The following SCMH1 variants were observed in gnomAD, a reference collection of about 807,000 sequenced individuals.
SCMH1 encodes the protein Scm polycomb group protein homolog 1.
SCMH1 carries 37 observed loss-of-function variants against 70.8 expected under a neutral mutation model. The observed-to-expected ratio is 0.52, with a 90% confidence interval of 0.40 to 0.69. SCMH1 has a LOEUF of 0.69. Ranked by LOEUF, SCMH1 falls within the 30% of genes least tolerant of loss-of-function variation. The pLI, the probability that SCMH1 is intolerant of heterozygous loss-of-function variation, is 0.00. For missense variants in SCMH1, 607 were observed against 827.3 expected (o/e 0.73, Z 3.27); for synonymous variants, 292 against 307.4 (o/e 0.95, Z 0.52).
chr1:41,138,748 CAAGTT>C (rs1220847922), intron 6 of SCMH1, among the ~76,000 whole-genome samples: 2 of 152,082 alleles, frequency 1.3e-5, no homozygotes, highest in Non-Finnish European at 2.9e-5. Flanking sequence ...TTGTTTAACT[CAAGTT>C]GAGTTGCTGT....
At chr1:41,155,228 G>A (rs777997806) in intron 4 of SCMH1, among the ~76,000 whole-genome samples, 25 of 152,188 alleles carry the variant, frequency 1.6e-4, no homozygotes, top group Admixed American at 9.2e-4. Flanking sequence ...ACTTAAAAAT[G>A]GCATTAAAGT....
At chr1:41,240,675 A>T (rs961886837) in intron 1 of SCMH1, among the ~76,000 whole-genome samples, 2 of 152,138 alleles carry the variant, frequency 1.3e-5, no homozygotes, top group Admixed American at 6.5e-5. Flanking sequence ...TTTTAAAAGG[A>T]AGGAAACCCC....
chr1:41,232,542 A>G (rs1661506600), intron 1 of SCMH1, among the ~76,000 whole-genome samples: 1 of 152,200 alleles, frequency 6.6e-6, no homozygotes, highest in Non-Finnish European at 1.5e-5. Context: ...GTGAAATGAA[A>G]AGAGGACTGG....
intron 10 of SCMH1, among the ~76,000 whole-genome samples, chr1:41,061,171 C>G (rs193267405): frequency 1.3e-5 from 2 of 150,198 alleles, no homozygotes; most frequent in Admixed American, 1.3e-4. Context: ...ATAGTTTAAA[C>G]GATAATAGCC....
At chr1:41,068,666 A>C (rs191017691) in intron 10 of SCMH1, among the ~76,000 whole-genome samples, 6 of 152,162 alleles carry the variant, frequency 3.9e-5, no homozygotes, top group African/African-American at 1.4e-4. Flanking sequence ...TTGGCCTCCT[A>C]AAGTGCTGGG....
chr1:41,236,778 T>C (rs1433922992), intron 1 of SCMH1, among the ~76,000 whole-genome samples: 3 of 152,256 alleles, frequency 2.0e-5, no homozygotes, highest in Non-Finnish European at 4.4e-5. Flanking sequence ...ATAGTTGTTA[T>C]ACTATTGTTT....
chr1:41,156,801 T>C (rs1200664432), intron 4 of SCMH1, among the ~76,000 whole-genome samples: 1 of 152,060 alleles, frequency 6.6e-6, no homozygotes, highest in Non-Finnish European at 1.5e-5. Context: ...ATACAACATA[T>C]ATATTGCTGA....
intron 8 of SCMH1, among the ~76,000 whole-genome samples, chr1:41,091,895 T>C (rs1663633409): frequency 2.0e-5 from 3 of 148,688 alleles, no homozygotes. Flanking sequence ...TGGAAGAACA[T>C]TCCATGCTCA....
At chr1:41,178,474 T>G (rs1413967246) in intron 2 of SCMH1, among the ~76,000 whole-genome samples, 1 of 152,170 alleles carries the variant, frequency 6.6e-6, no homozygotes, top group Non-Finnish European at 1.5e-5. Flanking sequence ...ATCAGTGTGC[T>G]GTATTCAGGA....
At chr1:41,233,818 T>C (rs1018775708) in intron 1 of SCMH1, among the ~76,000 whole-genome samples, 1 of 152,186 alleles carries the variant, frequency 6.6e-6, no homozygotes, top group African/African-American at 2.4e-5. Flanking sequence ...TGATTATGCT[T>C]ATGGTATAGT....
At chr1:41,164,365 T>C (rs1404880269) in intron 2 of SCMH1, among the ~76,000 whole-genome samples, 2 of 148,062 alleles carry the variant, frequency 1.4e-5, no homozygotes, top group African/African-American at 2.5e-5. Context: ...TTCCAATTTC[T>C]AAAAAAAAAA....
Position 41,034,092 on chromosome 1 carries a change from T to G in SCMH1, c.1678+3270A>C, listed in dbSNP as rs778276076. On this transcript the variant is annotated intron_variant, in intron 13 of 14. Coordinates refer to ENST00000337495, the Ensembl canonical transcript of SCMH1. ...GGTGTCACCATCTCCAGTTTGCACA[T>G]GAGGAACATTCTGCATATGAGGAAG... 3.2e-6 allele frequency: 5 copies of G among 1,572,364 alleles called. No individual in the cohort carries two copies. In the African/African-American group the frequency reaches 6.7e-5, roughly 21 times the overall value.
chr1:41,117,487 G>A (rs984697215), intron 6 of SCMH1, among the ~76,000 whole-genome samples: 8 of 152,030 alleles, frequency 5.3e-5, no homozygotes, highest in Non-Finnish European at 1.0e-4. Context: ...CTTAGAGACC[G>A]GGAAAGGGAG....
At chr1:41,098,571 T>C (rs1237265750) in intron 8 of SCMH1, 2 of 152,162 alleles carry the variant, frequency 1.3e-5, no homozygotes, top group Non-Finnish European at 2.9e-5. Context: ...AAAAAGGTCA[T>C]TTTGAAAATT....
chr1:41,123,324 C>G (rs1350230068), intron 6 of SCMH1, among the ~76,000 whole-genome samples: 2 of 152,200 alleles, frequency 1.3e-5, no homozygotes, highest in Non-Finnish European at 1.5e-5. Flanking sequence ...AGGAATTGAT[C>G]AGTGACAGAA....
chr1:41,080,062 T>C (rs1342397149), intron 8 of SCMH1, among the ~76,000 whole-genome samples: 1 of 152,150 alleles, frequency 6.6e-6, no homozygotes, highest in Non-Finnish European at 1.5e-5. Context: ...TCATCTTTTT[T>C]ACATTTTAAC....
intron 10 of SCMH1, among the ~76,000 whole-genome samples, chr1:41,049,711 G>A (rs1051556173): frequency 4.0e-5 from 6 of 149,728 alleles, no homozygotes; most frequent in Admixed American, 6.7e-5. Flanking sequence ...AGCTTGCAGT[G>A]AGCCGAGATT....
chr1:41,048,290 G>A (rs1240465378), intron 11 of SCMH1, among the ~76,000 whole-genome samples: 1 of 152,202 alleles, frequency 6.6e-6, no homozygotes, highest in Non-Finnish European at 1.5e-5. Flanking sequence ...CCTGGTTTAG[G>A]ACGAGGAAGC....
chr1:41,236,615 G>T (rs1048343453), intron 1 of SCMH1, among the ~76,000 whole-genome samples: 15 of 152,092 alleles, frequency 9.9e-5, no homozygotes, highest in African/African-American at 3.6e-4. Flanking sequence ...TTATCAAAAG[G>T]TTTCAGGGCC....
Sources: allele counts gnomAD v4.1 joint callset (sites outside exome capture counted in the v4.1 genomes callset), GRCh38; gene constraint gnomAD v4.1.1; transcripts MANE v1.5; gene names NCBI Gene and HGNC (gene_info 2026-07-23, HGNC 2026-07-21).